Variants in GLB1L2 observed in about 807,000 individuals in gnomAD.
GLB1L2 encodes the protein galactosidase beta 1 like 2, also known as beta-galactosidase-1-like protein 2.
Under a neutral mutation model 84.1 loss-of-function variants are expected in GLB1L2, and 68 were observed. The observed-to-expected ratio is 0.81, with a 90% confidence interval of 0.67 to 0.99. The LOEUF is 0.99. Ranked by LOEUF, GLB1L2 falls within the 50% of genes least tolerant of loss-of-function variation. The pLI, the probability that GLB1L2 is intolerant of heterozygous loss-of-function variation, is 0.00. For synonymous variants in GLB1L2, 290 were observed against 318.0 expected (o/e 0.91, Z 0.94); for missense variants, 762 against 805.6 (o/e 0.95, Z 0.66).
chr11:134,357,139 A>G (rs1943714524), intron 6 of GLB1L2, among the ~76,000 whole-genome samples: 1 of 152,212 alleles, frequency 6.6e-6, no homozygotes, highest in African/African-American at 2.4e-5. Flanking sequence ...AGGTTCGGCC[A>G]TGGTGTGAGC....
intron 1 of GLB1L2, among the ~76,000 whole-genome samples, chr11:134,335,481 G>A (rs1183811019): frequency 6.6e-6 from 1 of 152,112 alleles, no homozygotes; most frequent in Non-Finnish European, 1.5e-5. Flanking sequence ...ATCACCTGTT[G>A]GATACAGGTG....
At position 134,356,687 on chromosome 11, in the gene GLB1L2, T is replaced by C. The variant is rs552638673; in HGVS notation, c.651+294T>C. Among the ~76,000 whole-genome samples, 4 of 152,334 alleles carry C rather than the reference T, an allele frequency of 2.6e-5. No homozygotes were observed. In the East Asian group the frequency reaches 7.7e-4, roughly 29 times the overall value. ...CTTCCTGGAGAGGCGGCTCCAATTC[T>C]AAAGTCTAAAGCAGTGGTTCCCAGC... On this transcript the variant is annotated intron_variant, in intron 6 of 18. Transcript: ENST00000535456.
rs776551246 is a variant in GLB1L2 at position 134,344,467 on chromosome 11, T to G, written c.353+12T>G. 6.2e-6 allele frequency: 10 copies of G among 1,611,962 alleles called. No homozygotes were observed. Among genetic ancestry groups the G allele is most frequent in the Non-Finnish European group, 8.5e-6 (10 of 1,179,704 alleles). On this transcript the variant is annotated intron_variant, in intron 3 of 18. Coordinates refer to ENST00000535456, the MANE Select transcript of GLB1L2 (RefSeq NM_001370461.1). ...AACCTGGACCTGGAGTATGTGGTGT[T>G]GCTGCTTCTGTGAACTGGCCAGGGG... is the stretch of plus-strand genomic sequence containing the variant.
intron 5 of GLB1L2, among the ~76,000 whole-genome samples, chr11:134,355,453 A>G (rs1943688112): frequency 6.6e-6 from 1 of 151,998 alleles, no homozygotes; most frequent in African/African-American, 2.4e-5. Flanking sequence ...CAGTTTTTGC[A>G]TGTTTTCAGG....
At chr11:134,344,078 T>A (rs1196861674) in intron 2 of GLB1L2, among the ~76,000 whole-genome samples, 1 of 152,226 alleles carries the variant, frequency 6.6e-6, no homozygotes, top group Non-Finnish European at 1.5e-5. Context: ...TTGTAGCTGT[T>A]TTTTTGATAA....
intron 6 of GLB1L2, among the ~76,000 whole-genome samples, chr11:134,358,506 G>A (rs912338294): frequency 2.6e-5 from 4 of 152,272 alleles, no homozygotes; most frequent in Admixed American, 2.6e-4. Context: ...CTGCTTTACA[G>A]CTGGGAGGAT....
rs899270285 is a variant in GLB1L2 at position 134,370,768 on chromosome 11, G to A, written c.1216-240G>A. On this transcript the variant is annotated intron_variant, in intron 12 of 18. Coordinates refer to ENST00000535456, the MANE Select transcript of GLB1L2 (RefSeq NM_001370461.1). The surrounding 1 kb of genome is among the most constrained non-coding windows in gnomAD (Gnocchi z 4.7). ...CCAAGAAGGGGGTGCCTCCTCCGGC[G>A]GACTGAGGCTGTGATGTGTGTCCCC... 1.8e-4 allele frequency among the ~76,000 whole-genome samples: 27 copies of A among 152,182 alleles called. No homozygotes were observed. The highest frequency in any genetic ancestry group is 6.3e-4 in the African/African-American group (26 of 41,448).
In GLB1L2 at chr11:134,368,657, C is replaced by T. The variant is rs760215327; in HGVS notation, c.903C>T (p.Thr301=). Residue 301 remains threonine (T), a synonymous_variant, in exon 10 of 19, where the codon ACC becomes ACT. Transcript: ENST00000535456. ...NILDSSEVLK[T]VSAIVDAGSS... ...CTCCTCCGGCAGAGGTTTTGAAAAC[C>T]GTGTCTGCCATTGTGGACGCCGGCT... 51 of 1,613,646 alleles carry T rather than the reference C, an allele frequency of 3.2e-5. No homozygotes were observed. The highest frequency in any genetic ancestry group is 3.4e-5 in the Non-Finnish European group (40 of 1,179,960).
intron 7 of GLB1L2, among the ~76,000 whole-genome samples, chr11:134,361,993 C>T (rs1394311370): frequency 1.3e-5 from 2 of 152,218 alleles, no homozygotes; most frequent in African/African-American, 2.4e-5. Flanking sequence ...CCCAGTTACG[C>T]TCACCATGGT....
chr11:134,367,199 C>T, intron 8 of GLB1L2, 58 bp from the exon 9 acceptor site: 2 of 1,395,552 alleles, frequency 1.4e-6, no homozygotes, highest in Non-Finnish European at 2.0e-6. Context: ...CCATGAAGAG[C>T]TTCCCTCTTT....
In GLB1L2 at chr11:134,339,080, T is replaced by C. The variant is rs1399138366; in HGVS notation, c.87-3674T>C. 1.3e-5 allele frequency among the ~76,000 whole-genome samples: 2 copies of C among 152,220 alleles called. No individual in the cohort carries two copies. The highest frequency in any genetic ancestry group is 2.9e-5 in the Non-Finnish European group (2 of 68,032). On this transcript the variant is annotated intron_variant, in intron 1 of 18. Coordinates refer to ENST00000535456, the MANE Select transcript of GLB1L2 (RefSeq NM_001370461.1). The surrounding 1 kb of genome is among the most constrained non-coding windows in gnomAD (Gnocchi z 5.7). ...CAGTTCAAAAGAAGGCAGGTGTTCCTGGTTTCATCAGATAAAGGTCCATCG... is the reference window on the plus strand; with the variant it reads ...CAGTTCAAAAGAAGGCAGGTGTTCCCGGTTTCATCAGATAAAGGTCCATCG...
rs560534979 is a variant in GLB1L2, at chr11:134,375,606, G to T, written c.*548G>T. On this transcript the variant is annotated 3_prime_UTR_variant, in exon 19 of 19. Transcript: ENST00000535456. ...TTTGGGATTCTGGAAGGAACTCGGCGTGAGAAACATGTGACTTCCCCTTTC... is the reference window on the plus strand; with the variant it reads ...TTTGGGATTCTGGAAGGAACTCGGCTTGAGAAACATGTGACTTCCCCTTTC... 6.6e-6 allele frequency: 1 copy of T among 152,492 alleles called. No individual in the cohort carries two copies. Among genetic ancestry groups the T allele is most frequent in the African/African-American group, 2.4e-5 (1 of 41,484 alleles). The allele number at this position is 152,492 out of a possible 1,614,324, so 9.4% of individuals were successfully genotyped here.
At chr11:134,368,971 G>C (rs73589616) in intron 10 of GLB1L2, among the ~76,000 whole-genome samples, 190 bp downstream of exon 10, 2,805 of 152,286 alleles carry the variant, frequency 0.018, 81 homozygotes, top group African/African-American at 0.063. Context: ...GAGGTGGTGT[G>C]CCTGTGAGCT....
intron 16 of GLB1L2, 145 bp downstream of exon 16, chr11:134,373,953 T>C: frequency 1.3e-6 from 1 of 746,020 alleles, no homozygotes; most frequent in Non-Finnish European, 2.3e-6. Flanking sequence ...AGGTGAGGGG[T>C]GGCACCCGCA....
intron 5 of GLB1L2, among the ~76,000 whole-genome samples, chr11:134,355,044 C>T (rs1943684022): frequency 6.6e-6 from 1 of 152,124 alleles, no homozygotes; most frequent in African/African-American, 2.4e-5. Context: ...TCTTTTATCT[C>T]CTCAGACCTG....
At position 134,332,003 on chromosome 11, in the gene GLB1L2, C is replaced by A. The variant is rs567923238; in HGVS notation, c.-59C>A. 142 of 1,234,426 alleles carry A rather than the reference C, an allele frequency of 1.2e-4. 1 individual carries two copies. The highest frequency in any genetic ancestry group is 1.5e-4 in the Non-Finnish European group (138 of 894,194). 76.5% of individuals were successfully genotyped at this position (1,234,426 alleles called of 1,614,324 possible). On this transcript the variant is annotated 5_prime_UTR_variant, in exon 1 of 19. Coordinates refer to ENST00000535456, the MANE Select transcript of GLB1L2 (RefSeq NM_001370461.1). Reference sequence around the variant, plus strand: ...TCCGCCCCCCGCGGCGAGGCTCCCGCGCGCGGCTGAGTGCGGACTGGAGTG... The same window carrying A: ...TCCGCCCCCCGCGGCGAGGCTCCCGAGCGCGGCTGAGTGCGGACTGGAGTG...
Position 134,375,334 on chromosome 11 carries a change from A to G in GLB1L2, c.*276A>G, listed in dbSNP as rs1476420216. On this transcript the variant is annotated 3_prime_UTR_variant, in exon 19 of 19. Transcript: ENST00000535456. ...GGCTGTCTCTAGGGTGGGAGCAGCTAATCAGATCGCCCAGCCTTTGGCCCT... is the reference window on the plus strand; with the variant it reads ...GGCTGTCTCTAGGGTGGGAGCAGCTGATCAGATCGCCCAGCCTTTGGCCCT... 1 of 414,820 alleles carries G rather than the reference A, an allele frequency of 2.4e-6. No individual in the cohort carries two copies. The highest frequency in any genetic ancestry group is 2.0e-5 in the African/African-American group (1 of 48,786). The allele number at this position is 414,820 out of a possible 1,614,324, so 25.7% of individuals were successfully genotyped here.
At chr11:134,364,624 T>G (rs888156684) in intron 8 of GLB1L2, 10 of 524,202 alleles carry the variant, frequency 1.9e-5, no homozygotes, top group Non-Finnish European at 3.4e-5. Flanking sequence ...CCCACTGCCC[T>G]GAGAGAGGGG....
chr11:134,367,433 G>C, intron 9 of GLB1L2, 92 bp downstream of exon 9: 1 of 1,057,502 alleles, frequency 9.5e-7, no homozygotes, highest in Non-Finnish European at 1.4e-6. Flanking sequence ...AAGCCATAGG[G>C]GGTGCAAGGC....
Sources: allele counts gnomAD v4.1 joint callset (sites outside exome capture counted in the v4.1 genomes callset), GRCh38; gene constraint gnomAD v4.1.1; non-coding constraint Gnocchi (gnomAD v3.1); transcripts MANE v1.5; gene names NCBI Gene and HGNC (gene_info 2026-07-23, HGNC 2026-07-21).